RBFOX1: variants seen among roughly 807,000 people sequenced by gnomAD.
RBFOX1 encodes the protein RNA binding fox-1 homolog 1.
A neutral mutation model predicts 57.7 loss-of-function variants in RBFOX1; 8 were observed. That is an observed-to-expected ratio of 0.14 (90% confidence interval 0.08 to 0.25). RBFOX1 has a LOEUF of 0.25. Ranked by LOEUF, RBFOX1 falls within the 10% of genes least tolerant of loss-of-function variation. The probability of loss-of-function intolerance (pLI) is 1.00; values close to 1 mark genes in which losing one functional copy is unlikely to be tolerated. For synonymous variants in RBFOX1, 326 were observed against 222.4 expected (o/e 1.47, Z -4.15); for missense variants, 611 against 548.5 (o/e 1.11, Z -1.14).
intron 2 of RBFOX1, among the ~76,000 whole-genome samples, chr16:6,562,542 A>G (rs928533008): frequency 2.0e-5 from 3 of 152,252 alleles, no homozygotes; most frequent in Non-Finnish European, 4.4e-5. Context: ...GTTTGGAAGT[A>G]AATGAAGACA....
At chr16:6,832,908 G>C (rs954213901) in intron 3 of RBFOX1, among the ~76,000 whole-genome samples, 3 of 152,172 alleles carry the variant, frequency 2.0e-5, no homozygotes, top group African/African-American at 7.2e-5. Context: ...TAGTGTATCT[G>C]CATTTCTGCA....
chr16:6,210,511 C>A (rs2097289288), intron 1 of RBFOX1, among the ~76,000 whole-genome samples: 1 of 152,028 alleles, frequency 6.6e-6, no homozygotes, highest in Non-Finnish European at 1.5e-5. Flanking sequence ...AAGAGGATCA[C>A]TTGAGCCCAG....
chr16:6,874,340 A>G lies in RBFOX1; in HGVS notation c.-15-177717A>G, dbSNP rs976531747. Among the ~76,000 whole-genome samples the G allele has an allele frequency of 2.6e-5, 4 of 151,982 alleles. No homozygotes were observed. In the South Asian group the frequency reaches 8.3e-4, roughly 32 times the overall value. Reference sequence around the variant, plus strand: ...AGCCTGGCCAACATGATGAAACTGCATCTCCACTAAAAATACAAAATTAGC... The same window carrying G: ...AGCCTGGCCAACATGATGAAACTGCGTCTCCACTAAAAATACAAAATTAGC... On this transcript the variant is annotated intron_variant, in intron 3 of 15. Coordinates refer to ENST00000550418, the MANE Select transcript of RBFOX1 (RefSeq NM_018723.4).
chr16:5,577,544 C>T (rs529466320), intron 2 of RBFOX1, among the ~76,000 whole-genome samples: 28 of 152,336 alleles, frequency 1.8e-4, no homozygotes, highest in Admixed American at 2.6e-4. Flanking sequence ...GTCCCCAGCA[C>T]GGGGCCTTGT....
intron 3 of RBFOX1, among the ~76,000 whole-genome samples, chr16:6,929,304 T>G (rs6500881): frequency 4.0e-5 from 6 of 151,864 alleles, no homozygotes; most frequent in South Asian, 2.1e-4. Context: ...CTCTGGTAAA[T>G]GGAAGAGGGG....
intron 1 of RBFOX1, among the ~76,000 whole-genome samples, chr16:6,282,013 A>G (rs1472033357): frequency 6.6e-6 from 1 of 152,032 alleles, no homozygotes; most frequent in African/African-American, 2.4e-5. Context: ...AAAATGTACC[A>G]CTCTATAGAG....
intron 1 of RBFOX1, among the ~76,000 whole-genome samples, chr16:6,199,631 G>A (rs1402659985): frequency 6.6e-6 from 1 of 152,176 alleles, no homozygotes; most frequent in Non-Finnish European, 1.5e-5. Flanking sequence ...ATACTTACCT[G>A]ATGCAGATAA....
At chr16:6,958,138 G>C (rs1307663231) in intron 3 of RBFOX1, among the ~76,000 whole-genome samples, 1 of 152,122 alleles carries the variant, frequency 6.6e-6, no homozygotes, top group Non-Finnish European at 1.5e-5. Context: ...CACGTTTTTT[G>C]AGAAGCAAGG....
chr16:5,253,981 G>A (rs1195641623), intron 1 of RBFOX1, among the ~76,000 whole-genome samples: 1 of 132,532 alleles, frequency 7.5e-6, no homozygotes, highest in African/African-American at 2.9e-5. Flanking sequence ...GTACCTCTCT[G>A]TGGTAGACAC....
chr16:5,656,848 C>A (rs377186829), intron 3 of RBFOX1, among the ~76,000 whole-genome samples: 8 of 152,066 alleles, frequency 5.3e-5, no homozygotes, highest in Non-Finnish European at 1.2e-4. Flanking sequence ...AACCAAATAC[C>A]GCATGTTCTC....
intron 4 of RBFOX1, among the ~76,000 whole-genome samples, chr16:7,116,892 G>T (rs919068367): frequency 6.6e-6 from 1 of 152,130 alleles, no homozygotes; most frequent in East Asian, 1.9e-4. Context: ...TTTAAATAAT[G>T]TGTCATGTGT....
chr16:5,597,206 C>G (rs539514188), intron 2 of RBFOX1, among the ~76,000 whole-genome samples: 2 of 151,058 alleles, frequency 1.3e-5, no homozygotes, highest in Admixed American at 1.3e-4. Context: ...ATATCTTTGT[C>G]TCTCTCTCTT....
At chr16:6,102,664 T>C (rs1044672053) in intron 1 of RBFOX1, among the ~76,000 whole-genome samples, 3 of 152,224 alleles carry the variant, frequency 2.0e-5, no homozygotes, top group Non-Finnish European at 4.4e-5. Context: ...TCAGATAATA[T>C]TGTTCCCTTG....
At chr16:6,562,050 G>A (rs113113250) in intron 2 of RBFOX1, among the ~76,000 whole-genome samples, 8 of 152,282 alleles carry the variant, frequency 5.3e-5, no homozygotes, top group African/African-American at 1.2e-4. Context: ...TTTTCAGCGG[G>A]ATATTACTCA....
chr16:7,438,745 C>T (rs1341876258), intron 4 of RBFOX1, among the ~76,000 whole-genome samples: 1 of 152,162 alleles, frequency 6.6e-6, no homozygotes, highest in African/African-American at 2.4e-5. Flanking sequence ...GGCTATGGTT[C>T]ATTCTCCCTT....
At chr16:6,784,947 T>A (rs2081671216) in intron 3 of RBFOX1, among the ~76,000 whole-genome samples, 1 of 152,122 alleles carries the variant, frequency 6.6e-6, no homozygotes, top group African/African-American at 2.4e-5. Context: ...AAGCAGTGTT[T>A]CTTAACTGCT....
At chr16:7,225,920 A>ATATATATATATATATATATATATATAT (rs71147674) in intron 4 of RBFOX1, among the ~76,000 whole-genome samples, 3 of 140,934 alleles carry the variant, frequency 2.1e-5, no homozygotes, top group African/African-American at 2.7e-5. Flanking sequence ...ATATATATAT[A>ATATATATATATATATATATATATATAT]AATGTGAATG....
chr16:6,626,954 C>G (rs1419559630), intron 2 of RBFOX1, among the ~76,000 whole-genome samples: 2 of 152,110 alleles, frequency 1.3e-5, no homozygotes, highest in East Asian at 3.9e-4. Context: ...TAAATACAAA[C>G]TATTATTATC....
In RBFOX1 at chr16:5,284,069, C is replaced by T. The variant is rs141784454; in HGVS notation, c.219+43964C>T. ...TGTTCTCATGATAGTGAATAAGTCT[C>T]GCAAGATCTGATGGTTTTAAAAAGG... is the stretch of plus-strand genomic sequence containing the variant. On this transcript the variant is annotated intron_variant, in intron 1 of 2. Transcript: ENST00000585867. 2.5e-3 allele frequency among the ~76,000 whole-genome samples: 377 copies of T among 152,110 alleles called. 3 individuals are homozygous for T. Among genetic ancestry groups the T allele is most frequent in the African/African-American group, 8.0e-3 (333 of 41,524 alleles).
Sources: allele counts gnomAD v4.1 joint callset (sites outside exome capture counted in the v4.1 genomes callset), GRCh38; gene constraint gnomAD v4.1.1; transcripts MANE v1.5; gene names NCBI Gene and HGNC (gene_info 2026-07-23, HGNC 2026-07-21).